POU6F2: variants seen among roughly 807,000 people sequenced by gnomAD.
The protein encoded by POU6F2 is POU class 6 homeobox 2.
In POU6F2, 31 loss-of-function variants were observed where a neutral mutation model predicts 71.3. The ratio of observed to expected loss-of-function variants is 0.43; its 90% CI spans 0.33 to 0.59. POU6F2 has a LOEUF of 0.59. POU6F2 is among the 20% of genes least tolerant of loss of function. The pLI is 0.04. For synonymous variants in POU6F2, 347 were observed against 355.7 expected, an observed-to-expected ratio of 0.98 and a Z score of 0.27; for missense variants, 783 against 856.8, an observed-to-expected ratio of 0.91 and a Z score of 1.07.
At chr7:39,001,508 A>C (rs181402464) in intron 1 of POU6F2, among the ~76,000 whole-genome samples, 1 of 152,332 alleles carries the variant, frequency 6.6e-6, no homozygotes, top group Admixed American at 6.5e-5. Context: ...AAGGAAATGA[A>C]AATTATTACT....
intron 2 of POU6F2, among the ~76,000 whole-genome samples, chr7:39,187,923 A>T (rs1222884108): frequency 6.6e-6 from 1 of 152,044 alleles, no homozygotes; most frequent in East Asian, 1.9e-4. Flanking sequence ...TGAGTCTTTG[A>T]TTTTACAGGT....
At position 39,466,071 on chromosome 7, in the gene POU6F2, C is replaced by T. The variant is rs1409331340; in HGVS notation, c.*1385C>T. The T allele has an allele frequency of 6.6e-6, 1 of 152,160 alleles. No individual in the cohort carries two copies. The highest frequency in any genetic ancestry group is 1.5e-5 in the Non-Finnish European group (1 of 68,040). The allele number at this position is 152,160 out of a possible 1,614,324, so 9.4% of individuals were successfully genotyped here. ...TCTGCTACTTCTTTCATTCCAATAG[C>T]GATGGCAGACTTTTTTCAGGGGGAA... On this transcript the variant is annotated 3_prime_UTR_variant, in exon 10 of 10. Transcript: ENST00000518318.
chr7:39,277,749 C>T (rs532436402), intron 4 of POU6F2, among the ~76,000 whole-genome samples: 1 of 152,096 alleles, frequency 6.6e-6, no homozygotes, highest in African/African-American at 2.4e-5. Flanking sequence ...GCTGTTGGAG[C>T]CAAGCTGCCC....
intron 4 of POU6F2, among the ~76,000 whole-genome samples, chr7:39,258,678 T>C (rs1784071439): frequency 6.6e-6 from 1 of 150,462 alleles, no homozygotes. Flanking sequence ...CTGTCTGCTT[T>C]TTGGATTTTT....
chr7:39,306,430 G>A (rs1264888943), intron 4 of POU6F2, among the ~76,000 whole-genome samples: 1 of 152,152 alleles, frequency 6.6e-6, no homozygotes, highest in Non-Finnish European at 1.5e-5. Context: ...GGAAACCGAG[G>A]TTCAGGAGGT....
rs148016905 is a variant in POU6F2, at chr7:39,096,344, C to T, written c.277+10313C>T. On this transcript the variant is annotated intron_variant, in intron 2 of 9. Transcript: ENST00000518318. ...AATTTTTAAAGATGGCAAAGATGCA[C>T]GAGGGTTTTCCTTTTTCTAACAATG... Among the ~76,000 whole-genome samples the T allele has an allele frequency of 2.2e-3, 342 of 152,190 alleles. 2 individuals carry two copies. The highest frequency in any genetic ancestry group is 7.8e-3 in the African/African-American group (324 of 41,532).
intron 4 of POU6F2, among the ~76,000 whole-genome samples, chr7:39,250,020 C>T (rs1783886733): frequency 1.3e-5 from 2 of 152,190 alleles, no homozygotes; most frequent in Non-Finnish European, 2.9e-5. Flanking sequence ...TGGGCTCTCG[C>T]AGCACTGAAG....
chr7:39,406,767 C>A (rs185918953), intron 6 of POU6F2, 27 bp downstream of exon 6: 1 of 1,611,398 alleles, frequency 6.2e-7, no homozygotes, highest in East Asian at 2.2e-5. Context: ...AACAAGAGTG[C>A]ATTTTTATGG....
At chr7:39,067,369 G>A (rs1790778556) in intron 1 of POU6F2, among the ~76,000 whole-genome samples, 1 of 151,696 alleles carries the variant, frequency 6.6e-6, no homozygotes, top group Non-Finnish European at 1.5e-5. Context: ...TTTGTGGACA[G>A]GGAAGTGATT....
chr7:39,111,716 A>C (rs907741709), intron 2 of POU6F2, among the ~76,000 whole-genome samples: 3 of 152,174 alleles, frequency 2.0e-5, no homozygotes, highest in Non-Finnish European at 4.4e-5. Flanking sequence ...ACTATAGTAC[A>C]TTCAGATGAC....
chr7:39,189,578 T>A (rs534520645), intron 2 of POU6F2, among the ~76,000 whole-genome samples: 1 of 152,020 alleles, frequency 6.6e-6, no homozygotes, highest in South Asian at 2.1e-4. Context: ...TTTAAAGATA[T>A]TTTTAGTAGA....
chr7:39,212,724 A>G (rs909151538), intron 4 of POU6F2, among the ~76,000 whole-genome samples: 2 of 152,238 alleles, frequency 1.3e-5, no homozygotes, highest in African/African-American at 4.8e-5. Flanking sequence ...GCTCTGTCAC[A>G]TATTCCATAA....
At chr7:39,099,210 A>G (rs1791519553) in intron 2 of POU6F2, among the ~76,000 whole-genome samples, 1 of 152,244 alleles carries the variant, frequency 6.6e-6, no homozygotes, top group South Asian at 2.1e-4. Flanking sequence ...GGAAGGTGTG[A>G]TTCTTTCAAA....
At chr7:39,156,283 G>A (rs1792869207) in intron 2 of POU6F2, among the ~76,000 whole-genome samples, 1 of 152,162 alleles carries the variant, frequency 6.6e-6, no homozygotes, top group African/African-American at 2.4e-5. Flanking sequence ...GATCATTTAA[G>A]TTAGCTGAAT....
intron 1 of POU6F2, among the ~76,000 whole-genome samples, chr7:39,043,307 G>T (rs531164941): frequency 2.0e-5 from 3 of 151,894 alleles, no homozygotes; most frequent in Non-Finnish European, 4.4e-5. Context: ...ATCTGACCTA[G>T]GAATGGACAC....
At chr7:39,289,077 T>C (rs1784700838) in intron 4 of POU6F2, among the ~76,000 whole-genome samples, 1 of 152,194 alleles carries the variant, frequency 6.6e-6, no homozygotes, top group Admixed American at 6.5e-5. Flanking sequence ...TCTTGAAATA[T>C]GTTAGGGTAG....
chr7:39,341,988 A>G (rs539207860), intron 5 of POU6F2, among the ~76,000 whole-genome samples: 5 of 152,386 alleles, frequency 3.3e-5, no homozygotes, highest in South Asian at 2.1e-4. Flanking sequence ...ATGAAGGCTC[A>G]GAGCTACATT....
chr7:38,996,735 T>G (rs181700231), intron 1 of POU6F2, among the ~76,000 whole-genome samples: 151 of 152,280 alleles, frequency 9.9e-4, no homozygotes, highest in Non-Finnish European at 1.7e-3. Flanking sequence ...TATTTCAACA[T>G]GAAAAAGTGG....
intron 4 of POU6F2, among the ~76,000 whole-genome samples, chr7:39,332,447 C>T (rs1310411049): frequency 1.3e-5 from 2 of 152,188 alleles, no homozygotes; most frequent in Non-Finnish European, 2.9e-5. Flanking sequence ...AGTACCTATT[C>T]AACTTTGTAA....
Sources: allele counts gnomAD v4.1 joint callset (sites outside exome capture counted in the v4.1 genomes callset), GRCh38; gene constraint gnomAD v4.1.1; transcripts MANE v1.5; gene names NCBI Gene and HGNC (gene_info 2026-07-23, HGNC 2026-07-21).